Variants in PCYOX1L observed in about 807,000 individuals in gnomAD.
PCYOX1L encodes the protein prenylcysteine oxidase 1-like.
Under a neutral mutation model 44.1 loss-of-function variants are expected in PCYOX1L, and 40 were observed. That is an observed-to-expected ratio of 0.91 (90% CI 0.70 to 1.18). The LOEUF (loss-of-function observed/expected upper bound fraction) is 1.18. PCYOX1L is among the 50% of genes most tolerant of loss of function. The pLI, the probability that PCYOX1L is intolerant of heterozygous loss-of-function variation, is 0.00. For missense variants in PCYOX1L, 605 were observed against 653.3 expected, an observed-to-expected ratio of 0.93 and a Z score of 0.81; for synonymous variants, 266 against 282.8, an observed-to-expected ratio of 0.94 and a Z score of 0.60.
Position 149,358,063 on chromosome 5 carries a change from C to G in PCYOX1L, c.-6C>G. ...AATCCGGCGTGCTGCCCGCTCGCCGCCCGCCATGGCCCGCGCAGCCCCGCT... is the reference window on the plus strand; with the variant it reads ...AATCCGGCGTGCTGCCCGCTCGCCGGCCGCCATGGCCCGCGCAGCCCCGCT... On this transcript the variant is annotated 5_prime_UTR_variant, in exon 1 of 6. Coordinates refer to ENST00000274569, the MANE Select transcript of PCYOX1L (RefSeq NM_024028.4). The G allele has an allele frequency of 7.5e-7, 1 of 1,340,180 alleles. No individual in the cohort carries two copies. 83.0% of individuals were successfully genotyped at this position (1,340,180 alleles called of 1,614,324 possible). A position where few individuals can be genotyped will look rare whatever the true frequency, so the allele number is the denominator to read the frequency against.
rs1045582004 is a variant in PCYOX1L at position 149,368,778 on chromosome 5, A to G, written c.*124A>G. On this transcript the variant is annotated 3_prime_UTR_variant, in exon 6 of 6. Coordinates refer to ENST00000274569, the MANE Select transcript of PCYOX1L (RefSeq NM_024028.4). ...CTTTCTGACCCCTCATGTATCAAGC[A>G]TCTCCAGGTGACCTACTGTCTGCCT... 3.1e-6 allele frequency: 3 copies of G among 978,784 alleles called. No individual in the cohort carries two copies. The highest frequency in any genetic ancestry group is 4.2e-6 in the Non-Finnish European group (3 of 716,626). 60.6% of individuals were successfully genotyped at this position (978,784 alleles called of 1,614,324 possible). A position where few individuals can be genotyped will look rare whatever the true frequency, so the allele number is the denominator to read the frequency against.
intron 1 of PCYOX1L, among the ~76,000 whole-genome samples, chr5:149,358,722 G>T (rs537232192): frequency 3.3e-5 from 5 of 152,248 alleles, no homozygotes; most frequent in Non-Finnish European, 5.9e-5. Flanking sequence ...GGCAGAGACA[G>T]AACACTAGGT....
chr5:149,359,066 T>C (rs1025819175), intron 1 of PCYOX1L, among the ~76,000 whole-genome samples: 1 of 152,208 alleles, frequency 6.6e-6, no homozygotes, highest in African/African-American at 2.4e-5. Context: ...AGTTGCTTTT[T>C]TTTTTCCTCC....
chr5:149,358,311 G>T lies in PCYOX1L; in HGVS notation c.88+155G>T. On this transcript the variant is annotated intron_variant, in intron 1 of 5. Coordinates refer to ENST00000274569, the MANE Select transcript of PCYOX1L (RefSeq NM_024028.4). ...GAGGAGAGGCGCCGAAGGGGACGCG[G>T]CAGGGAAGGTCCTGATGGGGCCGGG... The T allele has an allele frequency of 2.5e-6, 3 of 1,191,944 alleles. No individual in the cohort carries two copies. In the East Asian group the frequency reaches 1.0e-4, roughly 40 times the overall value. 73.8% of individuals were successfully genotyped at this position (1,191,944 alleles called of 1,614,324 possible).
chr5:149,361,322 A>G (rs1297316364), intron 1 of PCYOX1L, among the ~76,000 whole-genome samples: 9 of 152,134 alleles, frequency 5.9e-5, no homozygotes, highest in African/African-American at 1.7e-4. Context: ...CAGTGAGCCA[A>G]TATCATGCCA....
intron 1 of PCYOX1L, among the ~76,000 whole-genome samples, chr5:149,358,714 CAG>C (rs1244662415): frequency 6.6e-6 from 1 of 152,232 alleles, no homozygotes; most frequent in East Asian, 1.9e-4. Flanking sequence ...ACAGTCCTGG[CAG>C]AGACAGAACA....
chr5:149,364,164 C>T lies in PCYOX1L; in HGVS notation c.424C>T (p.Leu142=), dbSNP rs372600073. 3.1e-6 allele frequency: 5 copies of T among 1,614,174 alleles called. No homozygotes were observed. Residue 142 remains leucine, a synonymous_variant, in exon 3 of 6, where the codon CTG becomes TTG. Coordinates refer to ENST00000274569, the MANE Select transcript of PCYOX1L (RefSeq NM_024028.4). ...RLWWHYGISF[L]RLQMWVEEVM... The stretch of plus-strand genomic sequence containing the variant: ...CTGGTGGCACTATGGCATCAGCTTC[C>T]TGAGGCTGCAGATGTGGGTGGAGGA...
rs907142788 is a variant in PCYOX1L at position 149,368,780 on chromosome 5, C to G, written c.*126C>G. ...TTCTGACCCCTCATGTATCAAGCAT[C>G]TCCAGGTGACCTACTGTCTGCCTAT... On this transcript the variant is annotated 3_prime_UTR_variant, in exon 6 of 6. Coordinates refer to ENST00000274569, the MANE Select transcript of PCYOX1L (RefSeq NM_024028.4). The G allele has an allele frequency of 5.3e-6, 5 of 943,964 alleles. No homozygotes were observed. Among genetic ancestry groups the G allele is most frequent in the Non-Finnish European group, 7.3e-6 (5 of 687,878 alleles). 58.5% of individuals were successfully genotyped at this position (943,964 alleles called of 1,614,324 possible). A position where few individuals can be genotyped will look rare whatever the true frequency, so the allele number is the denominator to read the frequency against.
At chr5:149,362,146 T>C in intron 1 of PCYOX1L, 1 of 167,944 alleles carries the variant, frequency 6.0e-6, no homozygotes, top group Admixed American at 5.5e-5. Context: ...ATCATGGCTG[T>C]GTTTCAATAA....
rs763551144 is a variant in PCYOX1L, at chr5:149,367,445, C to T, written c.768C>T (p.Leu256=). Residue 256 remains leucine, a synonymous_variant, in exon 5 of 6, where the codon CTC becomes CTT. Transcript: ENST00000274569. Reference sequence around the variant, plus strand: ...TGGTTTGTTCCGGTTTGCTGAAGCTCACCAAGGCCAATGTGATCCATGCCA... The same window carrying T: ...TGGTTTGTTCCGGTTTGCTGAAGCTTACCAAGGCCAATGTGATCCATGCCA... The part of the protein sequence containing the change: ...NKLVCSGLLK[L]TKANVIHATV... 16 of 1,613,832 alleles carry T rather than the reference C, an allele frequency of 9.9e-6. No individual in the cohort carries two copies. Among genetic ancestry groups the T allele is most frequent in the Non-Finnish European group, 1.4e-5 (16 of 1,179,890 alleles).
intron 1 of PCYOX1L, among the ~76,000 whole-genome samples, chr5:149,358,748 T>C (rs966467683): frequency 2.0e-5 from 3 of 152,234 alleles, no homozygotes; most frequent in African/African-American, 7.2e-5. Flanking sequence ...GGAGATTTGC[T>C]GACAGAACGG....
At chr5:149,360,037 C>T (rs1358804437) in intron 1 of PCYOX1L, among the ~76,000 whole-genome samples, 1 of 152,242 alleles carries the variant, frequency 6.6e-6, no homozygotes, top group African/African-American at 2.4e-5. Flanking sequence ...CCTCCAGCAT[C>T]TTGCATGAAA....
chr5:149,366,559 C>G (rs1174392819), intron 4 of PCYOX1L, among the ~76,000 whole-genome samples: 1 of 152,236 alleles, frequency 6.6e-6, no homozygotes, highest in Non-Finnish European at 1.5e-5. Flanking sequence ...CTGTGTGTAG[C>G]TCACTGTCTG....
rs561172581 is a variant in PCYOX1L, at chr5:149,368,006, G to C, written c.837G>C (p.Leu279=). 7 of 1,539,462 alleles carry C rather than the reference G, an allele frequency of 4.5e-6. No individual in the cohort carries two copies. Among genetic ancestry groups the C allele is most frequent in the Non-Finnish European group, 6.1e-6 (7 of 1,146,284 alleles). The part of the protein sequence containing the change: ...VTLHSTEGKA[L]YQVAYENEVG... ...TTTTCTTTCCAGAGGGGAAAGCCCT[G>C]TACCAGGTGGCGTATGAGAATGAGG... Residue 279 remains leucine, a synonymous_variant, in exon 6 of 6, where the codon CTG becomes CTC. Transcript: ENST00000274569.
Position 149,364,393 on chromosome 5 carries a change from G to T in PCYOX1L, c.470+183G>T. The stretch of plus-strand genomic sequence containing the variant: ...AATGGCCGTATTTGGTCCAGTAATG[G>T]TCTCCCTAGTATTGTCACATTGACT... On this transcript the variant is annotated intron_variant, in intron 3 of 5. Transcript: ENST00000274569. 6.2e-6 allele frequency: 4 copies of T among 644,050 alleles called. No individual in the cohort carries two copies. In the South Asian group the frequency reaches 7.8e-5, roughly 13 times the overall value. 39.9% of individuals were successfully genotyped at this position (644,050 alleles called of 1,614,324 possible).
rs1412862858 is a variant in PCYOX1L, at chr5:149,368,074, C to T, written c.905C>T (p.Thr302Ile). Residue 302 changes from threonine to isoleucine, a missense_variant, in exon 6 of 6, where the codon ACC becomes ATC. Thr to Ile is a moderately conservative substitution (Grantham distance 89, BLOSUM62 -1). Coordinates refer to ENST00000274569, the MANE Select transcript of PCYOX1L (RefSeq NM_024028.4). ...TTCTATGACATCGTGGTCATCGCCA[C>T]CCCCCTGCACCTGGACAACAGCAGC... is the stretch of plus-strand genomic sequence containing the variant. ...SDFYDIVVIA[T>I]PLHLDNSSSN... 2 of 1,602,590 alleles carry T rather than the reference C, an allele frequency of 1.2e-6. No homozygotes were observed. The highest frequency in any genetic ancestry group is 2.2e-5 in the East Asian group (1 of 44,840).
At position 149,358,051 on chromosome 5, in the gene PCYOX1L, G is replaced by T. The variant is rs578155232; in HGVS notation, c.-18G>T. ...CGCTAGCGCCTGAATCCGGCGTGCT[G>T]CCCGCTCGCCGCCCGCCATGGCCCG... On this transcript the variant is annotated 5_prime_UTR_variant, in exon 1 of 6. Coordinates refer to ENST00000274569, the MANE Select transcript of PCYOX1L (RefSeq NM_024028.4). The T allele has an allele frequency of 3.0e-6, 4 of 1,327,346 alleles. No homozygotes were observed. The highest frequency in any genetic ancestry group is 7.8e-5 in the Admixed American group (2 of 25,512). 82.2% of individuals were successfully genotyped at this position (1,327,346 alleles called of 1,614,324 possible). A position where few individuals can be genotyped will look rare whatever the true frequency, so the allele number is the denominator to read the frequency against.
chr5:149,363,052 T>C, intron 2 of PCYOX1L: 1 of 702,124 alleles, frequency 1.4e-6, no homozygotes. Context: ...AGAACTCAGG[T>C]TTGACTCCTA....
At chr5:149,364,456 A>C in intron 3 of PCYOX1L, 3 of 390,114 alleles carry the variant, frequency 7.7e-6, no homozygotes, top group African/African-American at 2.0e-5. Context: ...ATACTAATAA[A>C]AGCATGGGTT....
Sources: allele counts gnomAD v4.1 joint callset (sites outside exome capture counted in the v4.1 genomes callset), GRCh38; gene constraint gnomAD v4.1.1; transcripts MANE v1.5; gene names NCBI Gene and HGNC (gene_info 2026-07-23, HGNC 2026-07-21).